Variants in LRRC7 observed in about 807,000 individuals in gnomAD.
LRRC7 encodes leucine-rich repeat-containing protein 7.
LRRC7 carries 23 observed loss-of-function variants against 175.7 expected under a neutral mutation model. That is an observed-to-expected ratio of 0.13 (90% CI 0.09 to 0.19). The LOEUF is 0.19. LRRC7 is among the 10% of genes least tolerant of loss of function. The pLI, the probability that LRRC7 is intolerant of heterozygous loss-of-function variation, is 1.00. For missense variants in LRRC7, 1,354 were observed against 1,904.7 expected, an observed-to-expected ratio of 0.71 and a Z score of 5.38; for synonymous variants, 685 against 680.9, an observed-to-expected ratio of 1.01 and a Z score of -0.09.
At chr1:69,970,216 A>C (rs748032415) in intron 8 of LRRC7, among the ~76,000 whole-genome samples, 30 of 151,988 alleles carry the variant, frequency 2.0e-4, no homozygotes, top group Non-Finnish European at 4.1e-4. Context: ...GTAACATCTC[A>C]AGGAACTAGA....
Position 70,044,105 on chromosome 1 carries a change from A to C in LRRC7, c.4110+11A>C, listed in dbSNP as rs755955219. 4 of 1,611,562 alleles carry C rather than the reference A, an allele frequency of 2.5e-6. No individual in the cohort carries two copies. Among genetic ancestry groups the C allele is most frequent in the Non-Finnish European group, 3.4e-6 (4 of 1,178,690 alleles). ...CTACCTCTTCAGAAAGTAAGTATGG[A>C]CTGCCCTACATGTGTCAGCATACCA... On this transcript the variant is annotated intron_variant, in intron 22 of 26. Coordinates refer to ENST00000651989, the MANE Select transcript of LRRC7 (RefSeq NM_001370785.2).
chr1:69,809,116 C>T (rs1019517285), intron 4 of LRRC7, among the ~76,000 whole-genome samples: 1 of 152,092 alleles, frequency 6.6e-6, no homozygotes, highest in South Asian at 2.1e-4. Flanking sequence ...CACAAAAATA[C>T]AAACTACCAT....
intron 1 of LRRC7, among the ~76,000 whole-genome samples, chr1:69,674,497 A>G (rs1659521459): frequency 6.6e-6 from 1 of 152,194 alleles, no homozygotes; most frequent in Admixed American, 6.5e-5. Context: ...AATGGTAAAT[A>G]TATTACAAAA....
Position 69,947,244 on chromosome 1 carries a change from A to G in LRRC7, c.711+15674A>G, listed in dbSNP as rs575555325. On this transcript the variant is annotated intron_variant, in intron 8 of 26. Transcript: ENST00000651989. Reference sequence around the variant, plus strand: ...GTTGTCTCATTGGAGAGTTCAGTTCATTTACATTTAGAGTAATTACTGATG... The same window carrying G: ...GTTGTCTCATTGGAGAGTTCAGTTCGTTTACATTTAGAGTAATTACTGATG... 3.3e-5 allele frequency among the ~76,000 whole-genome samples: 5 copies of G among 151,284 alleles called. No individual in the cohort carries two copies. The East Asian group carries it at 9.7e-4, about 29-fold the overall frequency.
At chr1:69,672,388 G>T (rs1037236874) in intron 1 of LRRC7, among the ~76,000 whole-genome samples, 5 of 152,146 alleles carry the variant, frequency 3.3e-5, no homozygotes, top group Admixed American at 2.6e-4. Flanking sequence ...ATTGCAGAAA[G>T]TTCTATTGCA....
At chr1:69,920,249 G>A (rs1646849408) in intron 7 of LRRC7, 1 of 152,774 alleles carries the variant, frequency 6.5e-6, no homozygotes, top group African/African-American at 2.4e-5. Flanking sequence ...AAACACTCGT[G>A]GGCCCAGCTG....
intron 2 of LRRC7, among the ~76,000 whole-genome samples, chr1:69,734,915 A>G (rs1159913956): frequency 6.6e-6 from 1 of 151,954 alleles, no homozygotes; most frequent in African/African-American, 2.4e-5. Context: ...TATACAATAA[A>G]CATGAGAACA....
intron 2 of LRRC7, among the ~76,000 whole-genome samples, chr1:69,726,961 T>A (rs2100802237): frequency 6.6e-6 from 1 of 152,216 alleles, no homozygotes; most frequent in South Asian, 2.1e-4. Context: ...GACTCCAAGG[T>A]AAAAATTTGT....
intron 3 of LRRC7, among the ~76,000 whole-genome samples, chr1:69,780,854 G>C (rs1032575285): frequency 4.6e-5 from 7 of 152,100 alleles, no homozygotes; most frequent in Non-Finnish European, 7.4e-5. Flanking sequence ...ATCTACATGT[G>C]CCTACATATG....
chr1:69,834,860 A>G lies in LRRC7; in HGVS notation c.581A>G (p.Asn194Ser), dbSNP rs754441917. Reference sequence around the variant, plus strand: ...GCCTTTCTTGAATTTCTTCCAGCCAATTTTGGAAGGTAAGAATAAGAAATT... The same window carrying G: ...GCCTTTCTTGAATTTCTTCCAGCCAGTTTTGGAAGGTAAGAATAAGAAATT... ...NDAFLEFLPA[N>S]FGRLVKLRIL... Residue 194 changes from asparagine to serine, a missense_variant, in exon 6 of 27, where the codon AAT (asparagine) becomes AGT (serine). By Grantham distance (46) the Asn-to-Ser change is conservative. This residue lies in a region of LRRC7 where 201 missense variants were observed against 481.4 expected (regional missense o/e 0.42). Coordinates refer to ENST00000651989, the MANE Select transcript of LRRC7 (RefSeq NM_001370785.2). 6 of 1,612,266 alleles carry G rather than the reference A, an allele frequency of 3.7e-6. No individual in the cohort carries two copies. The highest frequency in any genetic ancestry group is 3.3e-5 in the Admixed American group (2 of 59,934).
At chr1:69,581,555 A>C (rs1243251730) in intron 1 of LRRC7, among the ~76,000 whole-genome samples, 1 of 152,204 alleles carries the variant, frequency 6.6e-6, no homozygotes, top group Non-Finnish European at 1.5e-5. Context: ...ATCCGTGTAT[A>C]ACTAGAACAT....
chr1:69,572,783 T>C lies in LRRC7; in HGVS notation c.2+4142T>C, dbSNP rs567776949. On this transcript the variant is annotated intron_variant, in intron 1 of 26. Coordinates refer to ENST00000651989, the MANE Select transcript of LRRC7 (RefSeq NM_001370785.2). ...GGACATACCAAAGAAGACAAAGGGG[T>C]ACATGAAATGTGGTTTGGAAATTTT... 8.9e-4 allele frequency among the ~76,000 whole-genome samples: 136 copies of C among 152,224 alleles called. 3 individuals carry two copies. The South Asian group carries it at 0.026, about 29-fold the overall frequency.
intron 8 of LRRC7, among the ~76,000 whole-genome samples, chr1:69,970,400 G>A (rs1165637012): frequency 2.0e-5 from 3 of 152,008 alleles, no homozygotes; most frequent in Non-Finnish European, 2.9e-5. Flanking sequence ...ACCAAGAAAA[G>A]GAGAGAGAAA....
chr1:69,902,761 A>G (rs1381470686), intron 7 of LRRC7, among the ~76,000 whole-genome samples: 1 of 152,172 alleles, frequency 6.6e-6, no homozygotes, highest in African/African-American at 2.4e-5. Context: ...ATTAATCTTT[A>G]TTCAATAAAA....
intron 23 of LRRC7, among the ~76,000 whole-genome samples, chr1:70,068,115 T>A (rs1374199049): frequency 6.6e-6 from 1 of 152,172 alleles, no homozygotes; most frequent in African/African-American, 2.4e-5. Flanking sequence ...TCTTCCATTA[T>A]TTCACTGACT....
intron 26 of LRRC7, 36 bp from the exon 27 acceptor site, chr1:70,121,744 T>C (rs1353580615): frequency 7.4e-7 from 1 of 1,345,516 alleles, no homozygotes; most frequent in African/African-American, 1.5e-5. Flanking sequence ...GATAATAGTT[T>C]ACATTGATTG....
chr1:69,644,346 A>T (rs1241520916), intron 1 of LRRC7, among the ~76,000 whole-genome samples: 1 of 151,960 alleles, frequency 6.6e-6, no homozygotes, highest in Non-Finnish European at 1.5e-5. Flanking sequence ...TACTTGGTGC[A>T]AACACATTTA....
rs537316575 is a variant in LRRC7, at chr1:69,681,086, T to C, written c.100+2608T>C. ...CCACCACTATTTTTAGAAACAATAA[T>C]GCATGGCAAAGAAGAGGTTCTAAAT... On this transcript the variant is annotated intron_variant, in intron 2 of 26. Coordinates refer to ENST00000651989, the MANE Select transcript of LRRC7 (RefSeq NM_001370785.2). Among the ~76,000 whole-genome samples, 74 of 152,100 alleles carry C rather than the reference T, an allele frequency of 4.9e-4. No individual in the cohort carries two copies. The Middle Eastern group carries it at 0.034, about 70-fold the overall frequency.
chr1:69,909,140 T>C (rs12754375), intron 7 of LRRC7, among the ~76,000 whole-genome samples: 11 of 152,080 alleles, frequency 7.2e-5, no homozygotes, highest in African/African-American at 2.7e-4. Flanking sequence ...TCCTCCATCC[T>C]TTTATTTTGA....
Sources: allele counts gnomAD v4.1 joint callset (sites outside exome capture counted in the v4.1 genomes callset), GRCh38; gene constraint gnomAD v4.1.1; regional missense constraint gnomAD v4.1.1; transcripts MANE v1.5; gene names NCBI Gene and HGNC (gene_info 2026-07-23, HGNC 2026-07-21).